The following SPIDR variants were observed in gnomAD, a reference collection of about 807,000 sequenced individuals.
SPIDR encodes DNA repair-scaffolding protein.
Under a neutral mutation model 104.6 loss-of-function variants are expected in SPIDR, and 93 were observed. The ratio of observed to expected loss-of-function variants is 0.89; its 90% CI spans 0.75 to 1.06. The LOEUF is 1.06. SPIDR is among the 50% of genes least tolerant of loss of function. The pLI is 0.00. For synonymous variants in SPIDR, 431 were observed against 416.9 expected (o/e 1.03, Z -0.41); for missense variants, 1,154 against 1,111.2 (o/e 1.04, Z -0.55).
intron 8 of SPIDR, among the ~76,000 whole-genome samples, chr8:47,498,629 T>C (rs1205163117): frequency 1.3e-5 from 2 of 152,196 alleles, no homozygotes; most frequent in African/African-American, 4.8e-5. Context: ...CTAGATACTC[T>C]GTGCTATTTT....
At chr8:47,321,012 C>T (rs2046454536) in intron 5 of SPIDR, among the ~76,000 whole-genome samples, 1 of 152,192 alleles carries the variant, frequency 6.6e-6, no homozygotes. Context: ...AAACTGGAAG[C>T]ATTCCCTTTG....
chr8:47,700,531 C>T (rs756939042), intron 12 of SPIDR, 41 bp downstream of exon 12: 1 of 1,602,302 alleles, frequency 6.2e-7, no homozygotes. Flanking sequence ...TCACAGACTA[C>T]TCCATGCCAG....
intron 5 of SPIDR, among the ~76,000 whole-genome samples, chr8:47,354,454 C>T (rs1215163405): frequency 6.6e-6 from 1 of 151,372 alleles, no homozygotes; most frequent in African/African-American, 2.4e-5. Context: ...ATCAGTTTTG[C>T]CTGAGAATTA....
At chr8:47,300,766 G>C (rs897446136) in intron 5 of SPIDR, among the ~76,000 whole-genome samples, 1 of 152,162 alleles carries the variant, frequency 6.6e-6, no homozygotes, top group African/African-American at 2.4e-5. Flanking sequence ...TTTTGAGTGA[G>C]TTTCTTAATC....
intron 8 of SPIDR, among the ~76,000 whole-genome samples, chr8:47,485,239 C>A (rs1326374645): frequency 6.6e-6 from 1 of 152,146 alleles, no homozygotes; most frequent in Non-Finnish European, 1.5e-5. Flanking sequence ...CGCACGGAGC[C>A]TCGCTCATTG....
chr8:47,679,048 C>A (rs2076782663), intron 11 of SPIDR, among the ~76,000 whole-genome samples: 1 of 152,118 alleles, frequency 6.6e-6, no homozygotes, highest in South Asian at 2.1e-4. Context: ...TCATGCTGCA[C>A]CCTCATTAAG....
chr8:47,348,773 T>C (rs2052761339), intron 5 of SPIDR, among the ~76,000 whole-genome samples: 1 of 152,238 alleles, frequency 6.6e-6, no homozygotes, highest in African/African-American at 2.4e-5. Context: ...GTCACGTAGT[T>C]CTCGTGCCGT....
intron 10 of SPIDR, among the ~76,000 whole-genome samples, chr8:47,663,779 A>G (rs1402416509): frequency 1.3e-5 from 2 of 152,230 alleles, no homozygotes; most frequent in African/African-American, 4.8e-5. Flanking sequence ...TTCTCACACG[A>G]CACATGCTAA....
intron 8 of SPIDR, among the ~76,000 whole-genome samples, chr8:47,526,090 A>G (rs2084942764): frequency 6.6e-6 from 1 of 152,186 alleles, no homozygotes; most frequent in South Asian, 2.1e-4. Context: ...TTAAACTTAG[A>G]GCCTCTGAAT....
intron 5 of SPIDR, among the ~76,000 whole-genome samples, chr8:47,344,203 G>A (rs1328027038): frequency 6.7e-6 from 1 of 149,846 alleles, no homozygotes; most frequent in Non-Finnish European, 1.5e-5. Context: ...CCACCTATGA[G>A]TGAGAACATG....
In SPIDR at chr8:47,660,597, G is replaced by T. The variant is rs561217577; in HGVS notation, c.1545-13204G>T. The T allele has an allele frequency of 5.8e-6, 5 of 860,808 alleles. No homozygotes were observed. In the South Asian group the frequency reaches 2.1e-4, roughly 36 times the overall value. The allele number at this position is 860,808 out of a possible 1,614,324, so 53.3% of individuals were successfully genotyped here. ...CCCAGTTGAGAGGGGTGAAGTGTGG[G>T]TGGCTAGGGGCAGGGACCCGCTGTA... On this transcript the variant is annotated intron_variant, in intron 10 of 19. Coordinates refer to ENST00000297423, the MANE Select transcript of SPIDR (RefSeq NM_001080394.4).
chr8:47,518,799 G>T (rs528986357), intron 8 of SPIDR, among the ~76,000 whole-genome samples: 6 of 151,838 alleles, frequency 4.0e-5, no homozygotes, highest in Admixed American at 3.9e-4. Flanking sequence ...ACCACGCCTG[G>T]CTAGTTTTTG....
chr8:47,520,722 A>G (rs1241343189), intron 8 of SPIDR, among the ~76,000 whole-genome samples: 1 of 152,216 alleles, frequency 6.6e-6, no homozygotes, highest in Non-Finnish European at 1.5e-5. Context: ...TGAAGTCATC[A>G]AGGTTAAATA....
intron 16 of SPIDR, among the ~76,000 whole-genome samples, chr8:47,718,499 T>C (rs921263056): frequency 6.6e-6 from 1 of 151,962 alleles, no homozygotes; most frequent in African/African-American, 2.4e-5. Flanking sequence ...CTACTTATCT[T>C]TGGCTCTTTT....
chr8:47,538,538 T>C (rs538604070), intron 8 of SPIDR, among the ~76,000 whole-genome samples: 8 of 152,154 alleles, frequency 5.3e-5, no homozygotes, highest in Middle Eastern at 3.4e-3. Context: ...AGTGAGACTC[T>C]GCCTCAAAAA....
intron 11 of SPIDR, among the ~76,000 whole-genome samples, chr8:47,684,905 G>A (rs1019936182): frequency 6.6e-6 from 1 of 152,198 alleles, no homozygotes; most frequent in African/African-American, 2.4e-5. Context: ...TGTACAGAGA[G>A]ATCTAGTTAA....
At chr8:47,287,418 A>T (rs2039051707) in intron 3 of SPIDR, among the ~76,000 whole-genome samples, 1 of 152,152 alleles carries the variant, frequency 6.6e-6, no homozygotes, top group Non-Finnish European at 1.5e-5. Flanking sequence ...TCTGACCTCA[A>T]ATTCACCAGG....
intron 8 of SPIDR, among the ~76,000 whole-genome samples, chr8:47,458,720 C>A (rs987155776): frequency 6.6e-6 from 1 of 151,984 alleles, no homozygotes; most frequent in Non-Finnish European, 1.5e-5. Context: ...TATTCCAGTT[C>A]TCTGAGGGAA....
rs538825239 is a variant in SPIDR at position 47,506,341 on chromosome 8, C to T, written c.1097+65799C>T. ...TATTTACACCATCATACAGCTCTCC[C>T]GTATAGAAATAATGAGGGTCTCACT... On this transcript the variant is annotated intron_variant, in intron 8 of 19. Coordinates refer to ENST00000297423, the MANE Select transcript of SPIDR (RefSeq NM_001080394.4). Among the ~76,000 whole-genome samples, 55 of 152,256 alleles carry T rather than the reference C, an allele frequency of 3.6e-4. 2 individuals carry two copies. In the South Asian group the frequency reaches 0.011, roughly 29 times the overall value.
Sources: gnomAD v4.1 joint callset for allele counts (sites outside exome capture counted in the v4.1 genomes callset) on GRCh38, gnomAD v4.1.1 for gene constraint, MANE v1.5 for transcripts, NCBI Gene and HGNC (gene_info 2026-07-23, HGNC 2026-07-21) for gene names.